Variants in GRK3 observed in about 807,000 individuals in gnomAD.
GRK3 encodes the protein G protein-coupled receptor kinase 3.
In GRK3, 54 loss-of-function variants were observed where a neutral mutation model predicts 95.7. The observed-to-expected ratio is 0.56, with a 90% confidence interval of 0.45 to 0.71. GRK3 has a LOEUF of 0.71. Among genes scored for constraint, GRK3 ranks in the 30% least tolerant of loss-of-function variants. The pLI is 0.00. For missense variants in GRK3, 649 were observed against 851.2 expected, an observed-to-expected ratio of 0.76 and a Z score of 2.96; for synonymous variants, 281 against 290.8, an observed-to-expected ratio of 0.97 and a Z score of 0.34.
At chr22:25,582,818 TAAA>T (rs1011596605) in intron 1 of GRK3, among the ~76,000 whole-genome samples, 1 of 151,914 alleles carries the variant, frequency 6.6e-6, no homozygotes, top group African/African-American at 2.4e-5. Context: ...AATGAGATAA[TAAA>T]AAAGCTAAAA....
rs1440967525 is a variant in GRK3 at position 25,714,461 on chromosome 22, A to G, written c.1545A>G (p.Glu515=). ...LYKNFPLVIS[E]RWQQEVTETV... is the part of the protein sequence containing the mutation. ...AGAACTTCCCTTTGGTCATCTCTGAACGCTGGCAGCAAGAAGTAACGGAAA... is the reference window on the plus strand; with the variant it reads ...AGAACTTCCCTTTGGTCATCTCTGAGCGCTGGCAGCAAGAAGTAACGGAAA... The change falls in exon 18 of 21, where the codon GAA becomes GAG. Residue 515 remains glutamate (E), a synonymous_variant. Coordinates refer to ENST00000324198, the MANE Select transcript of GRK3 (RefSeq NM_005160.4). 6.2e-7 allele frequency: 1 copy of G among 1,614,098 alleles called. No homozygotes were observed. The highest frequency in any genetic ancestry group is 2.2e-5 in the East Asian group (1 of 44,886).
intron 2 of GRK3, among the ~76,000 whole-genome samples, chr22:25,615,884 C>A (rs1288308196): frequency 6.8e-6 from 1 of 147,294 alleles, no homozygotes; most frequent in Non-Finnish European, 1.5e-5. Flanking sequence ...AGAGGAGGGG[C>A]CGAGCCCCTG....
At chr22:25,658,778 G>GA (rs1569182738) in intron 3 of GRK3, among the ~76,000 whole-genome samples, 4 of 152,092 alleles carry the variant, frequency 2.6e-5, no homozygotes. Flanking sequence ...GGGGCGTGGC[G>GA]AAAGAGTGGA....
intron 12 of GRK3, among the ~76,000 whole-genome samples, chr22:25,691,693 A>G (rs569681838): frequency 5.3e-5 from 8 of 152,378 alleles, no homozygotes; most frequent in Admixed American, 2.6e-4. Context: ...TATAGTCATA[A>G]CTAAATATGA....
intron 11 of GRK3, 65 bp downstream of exon 11, chr22:25,687,732 C>G: frequency 6.4e-7 from 1 of 1,556,534 alleles, no homozygotes; most frequent in Non-Finnish European, 8.8e-7. Context: ...CTAGAAGTCC[C>G]CTTCTATTTC....
At chr22:25,572,859 T>C (rs1340145569) in intron 1 of GRK3, among the ~76,000 whole-genome samples, 1 of 152,192 alleles carries the variant, frequency 6.6e-6, no homozygotes, top group African/African-American at 2.4e-5. Flanking sequence ...TAACAGATTG[T>C]ATATGAATAA....
chr22:25,620,261 T>C (rs187432296), intron 2 of GRK3, among the ~76,000 whole-genome samples: 1 of 152,182 alleles, frequency 6.6e-6, no homozygotes, highest in Admixed American at 6.5e-5. Flanking sequence ...ACCAGGCCTG[T>C]CTTTCACATA....
intron 1 of GRK3, among the ~76,000 whole-genome samples, chr22:25,592,640 T>C (rs1357661164): frequency 6.6e-6 from 1 of 152,200 alleles, no homozygotes; most frequent in African/African-American, 2.4e-5. Flanking sequence ...TGAATTACTT[T>C]TTAGAAACAA....
chr22:25,661,644 C>T lies in GRK3; in HGVS notation c.333C>T (p.Ala111=). 9.3e-6 allele frequency: 15 copies of T among 1,611,676 alleles called. No homozygotes were observed. The highest frequency in any genetic ancestry group is 1.3e-5 in the Non-Finnish European group (15 of 1,178,148). ...RLCRSRQIYD[A]YIMKELLSCS... ...GCAGAAGTCGACAAATTTATGATGC[C>T]TACATCATGAAGGAACTTCTTTCCT... The change falls in exon 4 of 21, where the codon GCC becomes GCT. Residue 111 remains alanine (A), a synonymous_variant. Coordinates refer to ENST00000324198, the MANE Select transcript of GRK3 (RefSeq NM_005160.4).
intron 1 of GRK3, among the ~76,000 whole-genome samples, chr22:25,601,670 C>G (rs1433695253): frequency 6.6e-6 from 1 of 152,056 alleles, no homozygotes; most frequent in Admixed American, 6.5e-5. Flanking sequence ...CAGAGATAGA[C>G]CTGCACATAC....
intron 2 of GRK3, among the ~76,000 whole-genome samples, chr22:25,634,979 C>T (rs1034679093): frequency 1.2e-4 from 19 of 152,108 alleles, no homozygotes; most frequent in Non-Finnish European, 1.8e-4. Flanking sequence ...TCAGAAAAGT[C>T]GTAAGAATGG....
intron 3 of GRK3, among the ~76,000 whole-genome samples, chr22:25,650,189 C>T (rs1466764367): frequency 6.6e-6 from 1 of 151,966 alleles, no homozygotes; most frequent in Non-Finnish European, 1.5e-5. Flanking sequence ...TGAGTAGCAC[C>T]CGCCACCACA....
At chr22:25,589,217 T>C (rs1932416594) in intron 1 of GRK3, among the ~76,000 whole-genome samples, 1 of 152,208 alleles carries the variant, frequency 6.6e-6, no homozygotes, top group South Asian at 2.1e-4. Context: ...GAATAAAACA[T>C]AATTAAACCT....
chr22:25,707,279 T>C (rs1411581626), intron 15 of GRK3, among the ~76,000 whole-genome samples: 1 of 152,240 alleles, frequency 6.6e-6, no homozygotes, highest in Non-Finnish European at 1.5e-5. Context: ...AAACTTCTTA[T>C]TTAGCTTATC....
intron 12 of GRK3, among the ~76,000 whole-genome samples, chr22:25,694,717 C>T (rs569405892): frequency 9.9e-5 from 15 of 152,266 alleles, no homozygotes; most frequent in African/African-American, 2.4e-4. Context: ...TCCACAGCGC[C>T]GCAGCGTGGT....
At chr22:25,668,992 C>T (rs1327524602) in intron 6 of GRK3, among the ~76,000 whole-genome samples, 5 of 152,102 alleles carry the variant, frequency 3.3e-5, no homozygotes, top group Non-Finnish European at 2.9e-5. Context: ...GCATTTTAGG[C>T]AAGCAGGCAC....
rs1474009243 is a variant in GRK3 at position 25,666,537 on chromosome 22, A to G, written c.442-1202A>G. Among the ~76,000 whole-genome samples, 4 of 152,174 alleles carry G rather than the reference A, an allele frequency of 2.6e-5. No homozygotes were observed. The East Asian group carries it at 5.8e-4, about 22-fold the overall frequency. ...CTAGCTCCAGTGCCTTCCCCAGGAC[A>G]GGGATAGTTCTGCAAGTTGGGGTAG... On this transcript the variant is annotated intron_variant, in intron 5 of 20. Transcript: ENST00000324198.
intron 18 of GRK3, among the ~76,000 whole-genome samples, chr22:25,716,904 G>T (rs1175186842): frequency 6.6e-6 from 1 of 152,176 alleles, no homozygotes; most frequent in Non-Finnish European, 1.5e-5. Context: ...TCGTAGGATT[G>T]CAAACCCTAT....
rs2084390451 is a variant in GRK3, at chr22:25,599,019, A to G, written c.114-5358A>G. Among the ~76,000 whole-genome samples the G allele has an allele frequency of 1.3e-5, 2 of 152,156 alleles. 1 individual carries two copies. The highest frequency in any genetic ancestry group is 3.9e-4 in the East Asian group (2 of 5,172). On this transcript the variant is annotated intron_variant, in intron 1 of 20. Coordinates refer to ENST00000324198, the MANE Select transcript of GRK3 (RefSeq NM_005160.4). ...GTCCATATGCAAAAACAAAGACAAA[A>G]ACAAACCAAAATCCCTTAGATATTT...
Sources: gnomAD v4.1 joint callset for allele counts (sites outside exome capture counted in the v4.1 genomes callset) on GRCh38, gnomAD v4.1.1 for gene constraint, MANE v1.5 for transcripts, NCBI Gene and HGNC (gene_info 2026-07-23, HGNC 2026-07-21) for gene names.